The following EFR3A variants were observed in gnomAD, a reference collection of about 807,000 sequenced individuals.
The protein encoded by EFR3A is EFR3 homolog A, also known as protein EFR3 homolog A.
Under a neutral mutation model 104.4 loss-of-function variants are expected in EFR3A, and 76 were observed. That is an observed-to-expected ratio of 0.73 (90% CI 0.60 to 0.88). The LOEUF (loss-of-function observed/expected upper bound fraction) is 0.88. Ranked by LOEUF, EFR3A falls within the 40% of genes least tolerant of loss-of-function variation. The pLI is 0.00. For missense variants in EFR3A, 985 were observed against 1,012.5 expected (o/e 0.97, Z 0.37); for synonymous variants, 330 against 330.0 (o/e 1.00, Z 0.00).
intron 8 of EFR3A, among the ~76,000 whole-genome samples, chr8:131,962,623 C>A (rs942403275): frequency 6.6e-6 from 1 of 152,126 alleles, no homozygotes; most frequent in Non-Finnish European, 1.5e-5. Flanking sequence ...GACTTTAACA[C>A]CCCACTGTCA....
At chr8:131,930,838 G>T (rs1378280039) in intron 1 of EFR3A, among the ~76,000 whole-genome samples, 3 of 151,960 alleles carry the variant, frequency 2.0e-5, no homozygotes, top group East Asian at 3.9e-4. Flanking sequence ...TGGTCTCCTG[G>T]TTCTTTATAG....
chr8:131,934,814 CACAT>C (rs1246063243), intron 1 of EFR3A, among the ~76,000 whole-genome samples: 18 of 151,960 alleles, frequency 1.2e-4, no homozygotes, highest in African/African-American at 4.4e-4. Context: ...TATATACACA[CACAT>C]ACACACATAT....
At chr8:131,929,316 C>T (rs1373151392) in intron 1 of EFR3A, among the ~76,000 whole-genome samples, 2 of 152,090 alleles carry the variant, frequency 1.3e-5, no homozygotes, top group Admixed American at 6.6e-5. Flanking sequence ...TGCAAGTTTG[C>T]CTAGGCATTT....
chr8:131,938,275 A>G (rs569358443), intron 1 of EFR3A: 2 of 397,970 alleles, frequency 5.0e-6, no homozygotes, highest in Non-Finnish European at 8.9e-6. Flanking sequence ...AGCCTTATGA[A>G]TTTACTTCAA....
intron 1 of EFR3A, among the ~76,000 whole-genome samples, chr8:131,926,138 A>C (rs1817287071): frequency 6.6e-6 from 1 of 152,170 alleles, no homozygotes. Flanking sequence ...GCTTCATGTT[A>C]TAAAAATTAT....
At chr8:131,983,177 G>A (rs1357571424) in intron 14 of EFR3A, among the ~76,000 whole-genome samples, 1 of 152,182 alleles carries the variant, frequency 6.6e-6, no homozygotes, top group East Asian at 1.9e-4. Context: ...AAACAGGCTT[G>A]GAATATTAAG....
At chr8:131,915,079 A>G (rs1490608619) in intron 1 of EFR3A, among the ~76,000 whole-genome samples, 4 of 152,118 alleles carry the variant, frequency 2.6e-5, no homozygotes, top group South Asian at 2.1e-4. Flanking sequence ...GGTTGATTCC[A>G]TGTCTTTGCT....
intron 22 of EFR3A, among the ~76,000 whole-genome samples, chr8:132,010,054 A>G (rs1366073340): frequency 2.6e-5 from 4 of 152,042 alleles, no homozygotes; most frequent in African/African-American, 9.7e-5. Context: ...GATACTTACC[A>G]TTAATAGTAA....
At chr8:131,988,555 A>G (rs1249562945) in intron 18 of EFR3A, among the ~76,000 whole-genome samples, 4 of 152,080 alleles carry the variant, frequency 2.6e-5, no homozygotes, top group African/African-American at 9.7e-5. Context: ...TTTAAATTTT[A>G]TGCTTTAAAA....
At chr8:131,977,354 C>T (rs1820377366) in intron 12 of EFR3A, among the ~76,000 whole-genome samples, 1 of 152,144 alleles carries the variant, frequency 6.6e-6, no homozygotes, top group African/African-American at 2.4e-5. Flanking sequence ...GATACCTGGG[C>T]CCAGAGACTG....
At chr8:131,952,412 A>G (rs1023599724) in intron 5 of EFR3A, among the ~76,000 whole-genome samples, 1 of 152,162 alleles carries the variant, frequency 6.6e-6, no homozygotes, top group Non-Finnish European at 1.5e-5. Flanking sequence ...CTGTGTAGCT[A>G]TAGTAGCTAT....
At chr8:132,008,929 AGT>A (rs1236828236) in intron 22 of EFR3A, among the ~76,000 whole-genome samples, 1 of 150,064 alleles carries the variant, frequency 6.7e-6, no homozygotes, top group African/African-American at 2.4e-5. Context: ...GATTTACATG[AGT>A]GTATACATTT....
Position 131,933,520 on chromosome 8 carries a change from A to G in EFR3A, c.11-6979A>G, listed in dbSNP as rs528378396. On this transcript the variant is annotated intron_variant, in intron 1 of 22. Transcript: ENST00000254624. ...ATTTTTTTTCAAATGATGATTCTAGAAGCTTTTCGAATGAAATCTCTCAGA... is the reference window on the plus strand; with the variant it reads ...ATTTTTTTTCAAATGATGATTCTAGGAGCTTTTCGAATGAAATCTCTCAGA... 3.3e-5 allele frequency among the ~76,000 whole-genome samples: 5 copies of G among 152,220 alleles called. No individual in the cohort carries two copies. The South Asian group carries it at 8.3e-4, about 25-fold the overall frequency.
In EFR3A at chr8:131,987,716, A is replaced by G. The variant is rs374615297; in HGVS notation, c.2065+14A>G. The G allele has an allele frequency of 3.3e-4, 518 of 1,572,056 alleles. 3 individuals carry two copies. The African/African-American group carries it at 6.4e-3, about 19-fold the overall frequency. On this transcript the variant is annotated intron_variant, in intron 18 of 22. Coordinates refer to ENST00000254624, the MANE Select transcript of EFR3A (RefSeq NM_015137.6). Reference sequence around the variant, plus strand: ...CACAAGTAACAGGTAAGAGGAGGATAATTAGAACTTTCACTCTGGTGATTG... The same window carrying G: ...CACAAGTAACAGGTAAGAGGAGGATGATTAGAACTTTCACTCTGGTGATTG...
At chr8:131,920,929 A>G (rs993500689) in intron 1 of EFR3A, among the ~76,000 whole-genome samples, 3 of 152,220 alleles carry the variant, frequency 2.0e-5, no homozygotes, top group African/African-American at 7.2e-5. Flanking sequence ...AATATTTGGT[A>G]AATACATTTT....
chr8:132,008,965 C>A (rs1219606443), intron 22 of EFR3A, among the ~76,000 whole-genome samples: 1 of 150,616 alleles, frequency 6.6e-6, no homozygotes, highest in Non-Finnish European at 1.5e-5. Flanking sequence ...AAACAGTACC[C>A]TTAAGATCAG....
At chr8:131,929,392 G>A (rs1011581223) in intron 1 of EFR3A, among the ~76,000 whole-genome samples, 2 of 152,108 alleles carry the variant, frequency 1.3e-5, no homozygotes, top group African/African-American at 4.8e-5. Context: ...CCTCTTAAGA[G>A]CCTTAATAGA....
At chr8:131,917,832 G>C (rs1816818879) in intron 1 of EFR3A, among the ~76,000 whole-genome samples, 1 of 151,992 alleles carries the variant, frequency 6.6e-6, no homozygotes, top group Admixed American at 6.6e-5. Context: ...AGGTAATTTT[G>C]TCAGTTGGTA....
chr8:132,010,146 A>G (rs1490199646), intron 22 of EFR3A, among the ~76,000 whole-genome samples: 1 of 151,978 alleles, frequency 6.6e-6, no homozygotes. Flanking sequence ...GACTGACTAT[A>G]TCTAATATTT....
Sources: allele counts gnomAD v4.1 joint callset (sites outside exome capture counted in the v4.1 genomes callset), GRCh38; gene constraint gnomAD v4.1.1; transcripts MANE v1.5; gene names NCBI Gene and HGNC (gene_info 2026-07-23, HGNC 2026-07-21).